ATP6V0A1: variants seen among roughly 807,000 people sequenced by gnomAD.
ATP6V0A1 encodes ATPase H+ transporting V0 subunit a1, also known as V-type proton ATPase 116 kDa subunit a 1.
Under a neutral mutation model 105.4 loss-of-function variants are expected in ATP6V0A1, and 43 were observed. That is an observed-to-expected ratio of 0.41 (90% CI 0.32 to 0.53). The LOEUF is 0.53. Ranked by LOEUF, ATP6V0A1 falls within the 20% of genes least tolerant of loss-of-function variation. The pLI, the probability that ATP6V0A1 is intolerant of heterozygous loss-of-function variation, is 0.30. For missense variants in ATP6V0A1, 676 were observed against 1,051.1 expected (o/e 0.64, Z 4.93); for synonymous variants, 362 against 372.8 (o/e 0.97, Z 0.33).
intron 14 of ATP6V0A1, 137 bp downstream of exon 14, chr17:42,495,853 T>C (rs1046551803): frequency 4.0e-5 from 29 of 727,518 alleles, no homozygotes; most frequent in African/African-American, 1.2e-4. Context: ...CCCAGCACTT[T>C]GGGAGGCCGA....
At chr17:42,503,068 A>G (rs1287324859) in intron 17 of ATP6V0A1, among the ~76,000 whole-genome samples, 1 of 152,182 alleles carries the variant, frequency 6.6e-6, no homozygotes, top group East Asian at 1.9e-4. Flanking sequence ...TTGGTCTACT[A>G]AGTTTCTATT....
intron 2 of ATP6V0A1, among the ~76,000 whole-genome samples, chr17:42,463,044 C>T (rs182973070): frequency 3.1e-4 from 35 of 112,582 alleles, no homozygotes; most frequent in African/African-American, 1.2e-3. Flanking sequence ...CTTGCTCTGT[C>T]GCCCAGGCTG....
intron 7 of ATP6V0A1, 77 bp from the exon 8 acceptor site, chr17:42,480,590 C>A: frequency 7.0e-7 from 1 of 1,431,538 alleles, no homozygotes; most frequent in Non-Finnish European, 9.4e-7. Context: ...CTTGCATCAC[C>A]AAAAAAGTGG....
chr17:42,520,955 C>T, intron 21 of ATP6V0A1, 72 bp from the exon 22 acceptor site: 6 of 1,368,300 alleles, frequency 4.4e-6, no homozygotes, highest in Non-Finnish European at 6.0e-6. Context: ...ATCTTTCCTG[C>T]CCAACTGTGA....
At chr17:42,463,794 C>T (rs1421595565) in intron 2 of ATP6V0A1, among the ~76,000 whole-genome samples, 1 of 152,130 alleles carries the variant, frequency 6.6e-6, no homozygotes, top group Non-Finnish European at 1.5e-5. Flanking sequence ...TGCTTTTGAC[C>T]AGAAGCCCTA....
chr17:42,505,985 GC>G (rs571071048), intron 17 of ATP6V0A1, among the ~76,000 whole-genome samples: 1 of 150,682 alleles, frequency 6.6e-6, no homozygotes, highest in South Asian at 2.1e-4. Context: ...ACGGGGTTTC[GC>G]CATGTTGGCC....
At chr17:42,502,120 T>G (rs941714665) in intron 17 of ATP6V0A1, among the ~76,000 whole-genome samples, 8 of 152,250 alleles carry the variant, frequency 5.3e-5, no homozygotes, top group Non-Finnish European at 1.2e-4. Context: ...ACATGTCTGC[T>G]GCTCAAGATA....
At chr17:42,463,433 G>A (rs2086678174) in intron 2 of ATP6V0A1, among the ~76,000 whole-genome samples, 1 of 152,106 alleles carries the variant, frequency 6.6e-6, no homozygotes. Context: ...TGAATTATAT[G>A]TAAACGACTC....
rs149173572 is a variant in ATP6V0A1, at chr17:42,497,460, C to G, written c.1561-1464C>G. Among the ~76,000 whole-genome samples, 971 of 151,464 alleles carry G rather than the reference C, an allele frequency of 6.4e-3. 17 individuals are homozygous for G. Among genetic ancestry groups the G allele is most frequent in the African/African-American group, 0.023 (937 of 41,244 alleles). Reference sequence around the variant, plus strand: ...GGCCGAGGCTGGTGGATCACGAGGTCAGGAGTTCAAGACCTGCCTGGCCAA... The same window carrying G: ...GGCCGAGGCTGGTGGATCACGAGGTGAGGAGTTCAAGACCTGCCTGGCCAA... On this transcript the variant is annotated intron_variant, in intron 14 of 21. Coordinates refer to ENST00000343619, the MANE Select transcript of ATP6V0A1 (RefSeq NM_001130021.3).
At chr17:42,481,660 T>A (rs1001318452) in intron 8 of ATP6V0A1, among the ~76,000 whole-genome samples, 5 of 152,006 alleles carry the variant, frequency 3.3e-5, no homozygotes, top group Non-Finnish European at 1.5e-5. Flanking sequence ...CCTGGCCAAC[T>A]TAGTGAGACC....
At chr17:42,473,122 G>A (rs1165330337) in intron 5 of ATP6V0A1, among the ~76,000 whole-genome samples, 1 of 152,216 alleles carries the variant, frequency 6.6e-6, no homozygotes, top group East Asian at 1.9e-4. Context: ...TCAAGAGTCA[G>A]AAGGTACAAA....
chr17:42,482,564 G>A (rs1327683201), intron 8 of ATP6V0A1, among the ~76,000 whole-genome samples: 1 of 151,718 alleles, frequency 6.6e-6, no homozygotes, highest in South Asian at 2.1e-4. Context: ...AAGATAGTTC[G>A]GATGCTATAA....
At chr17:42,459,804 G>A (rs1204710637) in intron 1 of ATP6V0A1, among the ~76,000 whole-genome samples, 1 of 152,162 alleles carries the variant, frequency 6.6e-6, no homozygotes, top group Non-Finnish European at 1.5e-5. Flanking sequence ...CATGCACAAA[G>A]GTTTGTTCGT....
Position 42,521,017 on chromosome 17 carries a change from C to T in ATP6V0A1, c.2421-10C>T. ...TATTGAATGACAGCTTTCTTCTTCT[C>T]TTTCTCCAGGGTTGAGTTCCAGAAT... On this transcript the variant is annotated splice_polypyrimidine_tract_variant and intron_variant, in intron 21 of 21. Transcript: ENST00000343619. The surrounding 1 kb of genome is among the most constrained non-coding windows in gnomAD (Gnocchi z 4.8). The T allele has an allele frequency of 6.3e-7, 1 of 1,582,582 alleles. No individual in the cohort carries two copies. Among genetic ancestry groups the T allele is most frequent in the Non-Finnish European group, 8.6e-7 (1 of 1,164,134 alleles).
chr17:42,494,995 G>A (rs2091023788), intron 12 of ATP6V0A1, 39 bp from the exon 13 acceptor site: 1 of 1,593,384 alleles, frequency 6.3e-7, no homozygotes, highest in Non-Finnish European at 8.6e-7. Flanking sequence ...GTGAGCTGCA[G>A]TGAGTACATT....
At chr17:42,500,278 A>AC (rs2091560635) in intron 15 of ATP6V0A1, among the ~76,000 whole-genome samples, 1 of 152,158 alleles carries the variant, frequency 6.6e-6, no homozygotes, top group Admixed American at 6.6e-5. Context: ...CAGGAGTTCA[A>AC]GACCAGTCTG....
At chr17:42,497,725 A>G (rs929944430) in intron 14 of ATP6V0A1, among the ~76,000 whole-genome samples, 7 of 150,662 alleles carry the variant, frequency 4.6e-5, no homozygotes, top group African/African-American at 1.7e-4. Flanking sequence ...TGTGATGACA[A>G]TATTGTGGTC....
In ATP6V0A1 at chr17:42,514,393, C is replaced by G. The variant is rs1202501707; in HGVS notation, c.2353C>G (p.Leu785Val). The change falls in exon 21 of 22, where the codon CTG becomes GTG. Residue 785 changes from leucine (L) to valine (V), a missense_variant. This residue lies in a region of ATP6V0A1 where 435 missense variants were observed against 642.2 expected (regional missense o/e 0.68). Transcript: ENST00000343619. ...CTTCTTCTTCACTGCCTTTGCCACC[C>G]TGACCGTGGCCATCCTCCTGATCAT... Reference protein sequence around the residue: ...LFFFFTAFATLTVAILLIMEG... With the variant: ...LFFFFTAFATVTVAILLIMEG... The G allele has an allele frequency of 1.2e-6, 2 of 1,613,818 alleles. No homozygotes were observed. The highest frequency in any genetic ancestry group is 1.7e-5 in the Admixed American group (1 of 59,954).
intron 19 of ATP6V0A1, among the ~76,000 whole-genome samples, chr17:42,508,793 C>T (rs1215543738): frequency 6.6e-6 from 1 of 152,240 alleles, no homozygotes; most frequent in Admixed American, 6.5e-5. Context: ...TCGGTCACCT[C>T]TGTCTTTGTT....
Sources: gnomAD v4.1 joint callset for allele counts (sites outside exome capture counted in the v4.1 genomes callset) on GRCh38, gnomAD v4.1.1 for gene constraint, gnomAD v4.1.1 regional missense constraint, Gnocchi (gnomAD v3.1) non-coding constraint, MANE v1.5 for transcripts, NCBI Gene and HGNC (gene_info 2026-07-23, HGNC 2026-07-21) for gene names.